CACNB2: variants seen among roughly 807,000 people sequenced by gnomAD.
CACNB2 encodes voltage-dependent L-type calcium channel subunit beta-2.
CACNB2 carries 42 observed loss-of-function variants against 73.3 expected under a neutral mutation model. That is an observed-to-expected ratio of 0.57 (90% CI 0.45 to 0.74). The LOEUF is 0.74. Ranked by LOEUF, CACNB2 falls within the 30% of genes least tolerant of loss-of-function variation. The probability of loss-of-function intolerance (pLI) is 0.00; values close to 1 mark genes in which losing one functional copy is unlikely to be tolerated. For missense variants in CACNB2, 940 were observed against 853.0 expected, an observed-to-expected ratio of 1.10 and a Z score of -1.27; for synonymous variants, 348 against 310.3, an observed-to-expected ratio of 1.12 and a Z score of -1.28.
intron 2 of CACNB2, among the ~76,000 whole-genome samples, chr10:18,293,106 A>G (rs543501983): frequency 8.1e-4 from 124 of 152,298 alleles, no homozygotes; most frequent in Non-Finnish European, 1.5e-3. Context: ...TTTTTCTGTT[A>G]TAGACAGTTA....
intron 3 of CACNB2, among the ~76,000 whole-genome samples, chr10:18,469,849 C>T (rs1412229777): frequency 6.6e-6 from 1 of 152,100 alleles, no homozygotes; most frequent in African/African-American, 2.4e-5. Flanking sequence ...CCTCCCTACT[C>T]TTTATTAAAA....
At chr10:18,527,260 C>T (rs2052564717) in intron 9 of CACNB2, among the ~76,000 whole-genome samples, 1 of 152,084 alleles carries the variant, frequency 6.6e-6, no homozygotes, top group South Asian at 2.1e-4. Context: ...CCTGTAGTCC[C>T]AGCTACTCCA....
intron 2 of CACNB2, among the ~76,000 whole-genome samples, chr10:18,189,275 A>C (rs2034291891): frequency 6.6e-6 from 1 of 152,198 alleles, no homozygotes; most frequent in African/African-American, 2.4e-5. Context: ...GTGTCATTAA[A>C]AATAGCTACT....
intron 2 of CACNB2, among the ~76,000 whole-genome samples, chr10:18,187,968 C>T (rs891230622): frequency 1.8e-4 from 27 of 152,018 alleles, no homozygotes; most frequent in African/African-American, 4.8e-4. Flanking sequence ...AGAGTGATGG[C>T]GGCAGTGTGG....
intron 2 of CACNB2, among the ~76,000 whole-genome samples, chr10:18,314,676 A>T (rs937721503): frequency 6.6e-6 from 1 of 152,216 alleles, no homozygotes; most frequent in Non-Finnish European, 1.5e-5. Context: ...TCTGCCATAC[A>T]GCAAAACATT....
chr10:18,247,010 A>C (rs915381930), intron 2 of CACNB2, among the ~76,000 whole-genome samples: 1 of 152,140 alleles, frequency 6.6e-6, no homozygotes, highest in African/African-American at 2.4e-5. Context: ...TGCTGACCGT[A>C]GGTAAGATGC....
At chr10:18,359,780 T>C (rs2042072246) in intron 2 of CACNB2, among the ~76,000 whole-genome samples, 1 of 148,342 alleles carries the variant, frequency 6.7e-6, no homozygotes, top group African/African-American at 2.4e-5. Flanking sequence ...CAGTCCCCAG[T>C]GTGAGATGTT....
chr10:18,246,757 T>C (rs1163552511), intron 2 of CACNB2, among the ~76,000 whole-genome samples: 1 of 151,710 alleles, frequency 6.6e-6, no homozygotes, highest in Admixed American at 6.6e-5. Flanking sequence ...ATTTTCAGGG[T>C]TTTTTAGTTT....
intron 2 of CACNB2, among the ~76,000 whole-genome samples, chr10:18,226,031 T>G (rs1169222345): frequency 3.9e-5 from 4 of 102,230 alleles, no homozygotes; most frequent in African/African-American, 3.9e-4. Flanking sequence ...TTTTCTTTTC[T>G]TTTTTTTTTT....
chr10:18,297,889 C>T (rs1417523648), intron 2 of CACNB2, among the ~76,000 whole-genome samples: 1 of 152,190 alleles, frequency 6.6e-6, no homozygotes, highest in South Asian at 2.1e-4. Context: ...GGTTGGGCAT[C>T]TAGCCCAGGT....
At chr10:18,141,346 GC>G in intron 1 of CACNB2, 1 of 832,034 alleles carries the variant, frequency 1.2e-6, no homozygotes, top group Non-Finnish European at 2.0e-6. Flanking sequence ...CAGGAGGGGA[GC>G]GAATATGGGG....
At chr10:18,196,095 C>T (rs996104205) in intron 2 of CACNB2, among the ~76,000 whole-genome samples, 8 of 152,220 alleles carry the variant, frequency 5.3e-5, no homozygotes, top group African/African-American at 1.4e-4. Context: ...TGATCCACAA[C>T]GTATCCCTGC....
intron 1 of CACNB2, 23 bp downstream of exon 1, chr10:18,140,879 T>C: frequency 1.3e-6 from 2 of 1,581,308 alleles, no homozygotes; most frequent in Non-Finnish European, 1.7e-6. Context: ...CGGCGCCTTC[T>C]CCTTCCTTTG....
chr10:18,459,686 C>T (rs1363676822), intron 3 of CACNB2, among the ~76,000 whole-genome samples: 1 of 152,132 alleles, frequency 6.6e-6, no homozygotes, highest in African/African-American at 2.4e-5. Context: ...GTTATTTGGG[C>T]AGTTCTTACT....
At chr10:18,420,262 G>A (rs1249401419) in intron 3 of CACNB2, among the ~76,000 whole-genome samples, 1 of 152,080 alleles carries the variant, frequency 6.6e-6, no homozygotes, top group Non-Finnish European at 1.5e-5. Context: ...AGAAGTCTGT[G>A]TATTAGTCTG....
chr10:18,346,941 G>A (rs1042107045), intron 2 of CACNB2, among the ~76,000 whole-genome samples: 3 of 152,062 alleles, frequency 2.0e-5, no homozygotes, highest in Non-Finnish European at 2.9e-5. Context: ...AACCTGACCC[G>A]TGAAATCACA....
chr10:18,257,422 A>C (rs2037329015), intron 2 of CACNB2: 1 of 152,270 alleles, frequency 6.6e-6, no homozygotes, highest in Admixed American at 6.5e-5. Flanking sequence ...ATATAGAGAT[A>C]AGTAAAGACT....
intron 2 of CACNB2, among the ~76,000 whole-genome samples, chr10:18,300,485 T>C (rs2039464520): frequency 6.6e-6 from 1 of 152,242 alleles, no homozygotes. Flanking sequence ...GGAAATACTA[T>C]CACCTTGTCT....
At position 18,472,991 on chromosome 10, in the gene CACNB2, T is replaced by C. The variant is rs544687091; in HGVS notation, c.334-25364T>C. ...TCGCTGCTGTAGAATACATTCTCTC[T>C]TTCTTCCAATGGAGAGTTCCATTCC... is the stretch of plus-strand genomic sequence containing the variant. On this transcript the variant is annotated intron_variant, in intron 3 of 13. Coordinates refer to ENST00000324631, the MANE Select transcript of CACNB2 (RefSeq NM_201596.3). Among the ~76,000 whole-genome samples, 19 of 152,356 alleles carry C rather than the reference T, an allele frequency of 1.2e-4. No homozygotes were observed. In the South Asian group the frequency reaches 3.7e-3, roughly 30 times the overall value.
Sources: gnomAD v4.1 joint callset for allele counts (sites outside exome capture counted in the v4.1 genomes callset) on GRCh38, gnomAD v4.1.1 for gene constraint, MANE v1.5 for transcripts, NCBI Gene and HGNC (gene_info 2026-07-23, HGNC 2026-07-21) for gene names.